The following RBL2 variants were observed in gnomAD, a reference collection of about 807,000 sequenced individuals.
RBL2 encodes the protein RB transcriptional corepressor like 2.
Under a neutral mutation model 126.0 loss-of-function variants are expected in RBL2, and 56 were observed. The observed-to-expected ratio is 0.44, with a 90% CI of 0.36 to 0.56. RBL2 has a LOEUF of 0.56. Ranked by LOEUF, RBL2 falls within the 20% of genes least tolerant of loss-of-function variation. The pLI, the probability that RBL2 is intolerant of heterozygous loss-of-function variation, is 0.00. For synonymous variants in RBL2, 454 were observed against 478.5 expected, an observed-to-expected ratio of 0.95 and a Z score of 0.67; for missense variants, 1,229 against 1,398.2, an observed-to-expected ratio of 0.88 and a Z score of 1.93.
chr16:53,444,922 G>C (rs970619903), intron 3 of RBL2, among the ~76,000 whole-genome samples: 3 of 152,312 alleles, frequency 2.0e-5, no homozygotes, highest in Non-Finnish European at 2.9e-5. Context: ...TGAGGCCAAT[G>C]TGATCATTTA....
intron 2 of RBL2, among the ~76,000 whole-genome samples, chr16:53,441,761 A>G (rs928565514): frequency 6.6e-6 from 1 of 152,186 alleles, no homozygotes; most frequent in Non-Finnish European, 1.5e-5. Context: ...TCTTTGGGGT[A>G]GAAGGGTAAG....
chr16:53,479,122 A>G (rs754776242), intron 17 of RBL2, 32 bp from the exon 18 acceptor site: 7 of 1,559,704 alleles, frequency 4.5e-6, no homozygotes, highest in South Asian at 1.1e-5. Flanking sequence ...GGTAGTTGCC[A>G]TGTCTCTCAG....
intron 4 of RBL2, among the ~76,000 whole-genome samples, chr16:53,450,881 T>A (rs2058108462): frequency 6.6e-6 from 1 of 152,042 alleles, no homozygotes; most frequent in Non-Finnish European, 1.5e-5. Flanking sequence ...AGGCAGAGCT[T>A]GCAGTGAGCT....
Position 53,453,536 on chromosome 16 carries a change from A to G in RBL2, c.851A>G (p.Asp284Gly), listed in dbSNP as rs1453970548. ...CIIEKLCSLHDGLVLEAKGIK... is the reference protein window; with the variant it reads ...CIIEKLCSLHGGLVLEAKGIK... ...ATTGAGAAACTGTGTTCCTTACATG[A>G]TGGCCTAGTTTTGGAAGCAAAGGGG... Residue 284 changes from aspartate to glycine, a missense_variant, in exon 6 of 22, where the codon GAT (aspartate) becomes GGT (glycine). Transcript: ENST00000262133. 2 of 1,613,336 alleles carry G rather than the reference A, an allele frequency of 1.2e-6. No homozygotes were observed. Among genetic ancestry groups the G allele is most frequent in the South Asian group, 1.1e-5 (1 of 91,048 alleles).
At chr16:53,456,583 G>A (rs1423771699) in intron 8 of RBL2, among the ~76,000 whole-genome samples, 2 of 152,216 alleles carry the variant, frequency 1.3e-5, no homozygotes, top group Non-Finnish European at 2.9e-5. Flanking sequence ...CCTGACAAGT[G>A]CCTGTAATGT....
At position 53,434,774 on chromosome 16, in the gene RBL2, T is replaced by C. The variant is rs761724816; in HGVS notation, c.218T>C (p.Met73Thr). The change falls in exon 1 of 22, where the codon ATG (methionine) becomes ACG (threonine). Residue 73 changes from methionine (M) to threonine (T), a missense_variant. Around this residue, in one of 2 missense-constraint regions of RBL2, gnomAD observed 159 missense variants for 123.9 expected, o/e 1.28. Coordinates refer to ENST00000262133, the MANE Select transcript of RBL2 (RefSeq NM_005611.4). ...RAEAWDSYRSMSESYTLEGND... is the reference protein window; with the variant it reads ...RAEAWDSYRSTSESYTLEGND... ...GAGGCCTGGGACAGCTACCGCAGCA[T>C]GAGCGAAAGCTACACGCTGGAGGTG... The C allele has an allele frequency of 2.6e-5, 39 of 1,521,922 alleles. No homozygotes were observed. The highest frequency in any genetic ancestry group is 2.3e-4 in the South Asian group (19 of 82,890). The allele number at this position is 1,521,922 out of a possible 1,614,324, so 94.3% of individuals were successfully genotyped here. A position where few individuals can be genotyped will look rare whatever the true frequency, so the allele number is the denominator to read the frequency against.
rs2058069940 is a variant in RBL2, at chr16:53,447,124, T to C, written c.637+18T>C. 3 of 1,263,352 alleles carry C rather than the reference T, an allele frequency of 2.4e-6. No individual in the cohort carries two copies. Among genetic ancestry groups the C allele is most frequent in the Admixed American group, 2.1e-5 (1 of 48,298 alleles). The allele number at this position is 1,263,352 out of a possible 1,614,324, so 78.3% of individuals were successfully genotyped here. On this transcript the variant is annotated intron_variant, in intron 4 of 21. Transcript: ENST00000262133. ...TGCAAAAGGTAAGAAAATAGTAATATTTATTTAGATTTAATATGTCTATTT... is the reference window on the plus strand; with the variant it reads ...TGCAAAAGGTAAGAAAATAGTAATACTTATTTAGATTTAATATGTCTATTT...
rs773526641 is a variant in RBL2 at position 53,464,236 on chromosome 16, A to G, written c.1571A>G (p.Glu524Gly). 6.4e-7 allele frequency: 1 copy of G among 1,574,014 alleles called. No homozygotes were observed. The highest frequency in any genetic ancestry group is 2.3e-5 in the East Asian group (1 of 43,380). The change falls in exon 12 of 22, where the codon GAA becomes GGA. Residue 524 changes from glutamate (E) to glycine (G), a missense_variant. By Grantham distance (98) the Glu-to-Gly change is moderately conservative (BLOSUM62 -2). Around this residue, in one of 2 missense-constraint regions of RBL2, gnomAD observed 1,070 missense variants for 1,274.3 expected, o/e 0.84. Transcript: ENST00000262133. ...AACTTTATTTTATAGGGTATTCTGG[A>G]ACAAGATGCGTTCCACAGATCTCTC... ...LGDMDLSGIL[E>G]QDAFHRSLLA...
chr16:53,466,914 C>A, intron 13 of RBL2, 144 bp from the exon 14 acceptor site: 1 of 618,456 alleles, frequency 1.6e-6, no homozygotes, highest in Non-Finnish European at 2.7e-6. Flanking sequence ...TTTTTTTTAA[C>A]TTTATTATTA....
At chr16:53,451,038 T>G (rs2058110095) in intron 4 of RBL2, among the ~76,000 whole-genome samples, 3 of 152,206 alleles carry the variant, frequency 2.0e-5, no homozygotes, top group Admixed American at 2.0e-4. Flanking sequence ...AATGTTTTCA[T>G]GCAAAACAAT....
chr16:53,440,722 T>G (rs1026564569), intron 2 of RBL2, among the ~76,000 whole-genome samples: 3 of 151,848 alleles, frequency 2.0e-5, no homozygotes, highest in African/African-American at 7.3e-5. Flanking sequence ...CCTGGCTAAT[T>G]TTTTGTATTT....
intron 21 of RBL2, among the ~76,000 whole-genome samples, chr16:53,483,628 T>A (rs918447129): frequency 6.6e-6 from 1 of 152,158 alleles, no homozygotes; most frequent in Non-Finnish European, 1.5e-5. Flanking sequence ...TGGTGGCTCA[T>A]GCCTGTAATC....
chr16:53,441,084 C>T (rs1352131569), intron 2 of RBL2, among the ~76,000 whole-genome samples: 3 of 151,362 alleles, frequency 2.0e-5, no homozygotes, highest in African/African-American at 7.3e-5. Flanking sequence ...TTCAGCCTCC[C>T]GGAGTAGCTG....
chr16:53,485,697 A>G (rs546156545), intron 21 of RBL2, among the ~76,000 whole-genome samples: 33 of 152,050 alleles, frequency 2.2e-4, no homozygotes, highest in African/African-American at 7.7e-4. Flanking sequence ...CTACTTTAAA[A>G]AAAAAAAATT....
intron 17 of RBL2, among the ~76,000 whole-genome samples, chr16:53,477,919 T>C (rs547344067): frequency 1.3e-5 from 2 of 152,364 alleles, no homozygotes; most frequent in East Asian, 3.8e-4. Flanking sequence ...TGTGTAGTGT[T>C]GTCCAGGGGC....
intron 7 of RBL2, chr16:53,454,379 A>G (rs1462423989): frequency 5.3e-6 from 2 of 376,528 alleles, no homozygotes; most frequent in Non-Finnish European, 1.0e-5. Context: ...TAATTTTTGT[A>G]TTTTTAGTAG....
Position 53,490,735 on chromosome 16 carries a change from A to G in RBL2, c.*435A>G, listed in dbSNP as rs1394255108. On this transcript the variant is annotated 3_prime_UTR_variant, in exon 22 of 22. Transcript: ENST00000262133. ...AAACAAAAATTAGGTATTTTGTCCT[A>G]AAACACCTGGTAGGAGTGTGTGATT... 1 of 148,704 alleles carries G rather than the reference A, an allele frequency of 6.7e-6. No homozygotes were observed. Among genetic ancestry groups the G allele is most frequent in the East Asian group, 1.9e-4 (1 of 5,190 alleles). The allele number at this position is 148,704 out of a possible 1,614,324, so 9.2% of individuals were successfully genotyped here.
chr16:53,461,741 G>T lies in RBL2; in HGVS notation c.1347G>T (p.Arg449Ser). 1.3e-6 allele frequency: 2 copies of T among 1,577,700 alleles called. No homozygotes were observed. The highest frequency in any genetic ancestry group is 1.7e-6 in the Non-Finnish European group (2 of 1,164,970). The change falls in exon 10 of 22, where the codon AGG (arginine) becomes AGT (serine). Residue 449 changes from arginine to serine, a missense_variant and splice_region_variant. Arg to Ser is a moderately radical substitution (Grantham distance 110). This residue lies in a region of RBL2 where 1,070 missense variants were observed against 1,274.3 expected (regional missense o/e 0.84). Transcript: ENST00000262133. Reference sequence around the variant, plus strand: ...TGTTATTTCTCATTACCTTTTTTAGGACATGTTCCAGAGATCCAACCCAGG... The same window carrying T: ...TGTTATTTCTCATTACCTTTTTTAGTACATGTTCCAGAGATCCAACCCAGG... ...APSEKLEQIL[R>S]TCSRDPTQAI...
At chr16:53,445,503 C>T (rs939334287) in intron 3 of RBL2, among the ~76,000 whole-genome samples, 1 of 152,154 alleles carries the variant, frequency 6.6e-6, no homozygotes, top group Admixed American at 6.6e-5. Flanking sequence ...GTTAATCCCT[C>T]TGACAACCTT....
Sources: gnomAD v4.1 joint callset for allele counts (sites outside exome capture counted in the v4.1 genomes callset) on GRCh38, gnomAD v4.1.1 for gene constraint, gnomAD v4.1.1 regional missense constraint, MANE v1.5 for transcripts, NCBI Gene and HGNC (gene_info 2026-07-23, HGNC 2026-07-21) for gene names.